PAK5: variants seen among roughly 807,000 people sequenced by gnomAD.
PAK5 encodes p21 (RAC1) activated kinase 5, also known as serine/threonine-protein kinase PAK 5.
Under a neutral mutation model 65.9 loss-of-function variants are expected in PAK5, and 16 were observed. That is an observed-to-expected ratio of 0.24 (90% CI 0.16 to 0.37). The LOEUF (loss-of-function observed/expected upper bound fraction) is 0.37, where lower values mean the gene tolerates loss of function less well. Ranked by LOEUF, PAK5 falls within the 10% of genes least tolerant of loss-of-function variation. The probability of loss-of-function intolerance (pLI) is 1.00; values close to 1 mark genes in which losing one functional copy is unlikely to be tolerated. For synonymous variants in PAK5, 371 were observed against 354.9 expected, an observed-to-expected ratio of 1.05 and a Z score of -0.51; for missense variants, 785 against 903.9, an observed-to-expected ratio of 0.87 and a Z score of 1.69.
At chr20:9,656,676 C>T (rs1454973911) in intron 2 of PAK5, among the ~76,000 whole-genome samples, 2 of 152,064 alleles carry the variant, frequency 1.3e-5, no homozygotes, top group Non-Finnish European at 2.9e-5. Context: ...TCTCTTTATG[C>T]CTCAGCTTTT....
At chr20:9,749,613 C>T (rs2048551095) in intron 1 of PAK5, among the ~76,000 whole-genome samples, 1 of 152,064 alleles carries the variant, frequency 6.6e-6, no homozygotes, top group Non-Finnish European at 1.5e-5. Context: ...ATTGCTGTTC[C>T]ATAGATTGAT....
intron 3 of PAK5, among the ~76,000 whole-genome samples, chr20:9,624,144 C>T (rs2046809750): frequency 6.6e-6 from 1 of 152,178 alleles, no homozygotes; most frequent in Admixed American, 6.5e-5. Flanking sequence ...AGGAAAATCA[C>T]AATTCTAGAG....
chr20:9,636,342 G>C (rs1411372936), intron 3 of PAK5, among the ~76,000 whole-genome samples: 1 of 152,106 alleles, frequency 6.6e-6, no homozygotes, highest in African/African-American at 2.4e-5. Context: ...CGATGGGAGA[G>C]AAAATAAAAC....
intron 3 of PAK5, among the ~76,000 whole-genome samples, chr20:9,636,777 A>G (rs6056773): frequency 0.61 from 92,838 of 151,980 alleles, 28,589 homozygotes; most frequent in Middle Eastern, 0.73. Context: ...CTGGCCAACT[A>G]GAAAAGACAA....
intron 2 of PAK5, among the ~76,000 whole-genome samples, chr20:9,672,289 A>AGTATGTATG (rs1453734690): frequency 6.7e-6 from 1 of 150,040 alleles, no homozygotes; most frequent in East Asian, 1.9e-4. Flanking sequence ...GATATATTTC[A>AGTATGTATG]GTATGTATGG....
chr20:9,680,760 C>T (rs202055041), intron 2 of PAK5, among the ~76,000 whole-genome samples: 19 of 152,140 alleles, frequency 1.2e-4, no homozygotes, highest in East Asian at 1.2e-3. Context: ...TGCTCCAGAC[C>T]GGAGCAGGGG....
At chr20:9,695,282 A>T (rs1007590387) in intron 2 of PAK5, among the ~76,000 whole-genome samples, 1 of 152,070 alleles carries the variant, frequency 6.6e-6, no homozygotes, top group Non-Finnish European at 1.5e-5. Flanking sequence ...TATGTCGAAC[A>T]AACGTACTGA....
chr20:9,540,979 G>A (rs369171107), intron 9 of PAK5, among the ~76,000 whole-genome samples: 8 of 152,050 alleles, frequency 5.3e-5, no homozygotes, highest in East Asian at 1.9e-4. Context: ...CTCGTGATCC[G>A]CCCACCTCGG....
intron 4 of PAK5, among the ~76,000 whole-genome samples, chr20:9,571,490 C>T (rs2045780205): frequency 6.6e-6 from 1 of 152,232 alleles, no homozygotes; most frequent in Non-Finnish European, 1.5e-5. Flanking sequence ...TAACCTAGTT[C>T]TTCTGCCGGG....
intron 1 of PAK5, among the ~76,000 whole-genome samples, chr20:9,743,183 C>T (rs1196580994): frequency 6.6e-6 from 1 of 151,760 alleles, no homozygotes; most frequent in Non-Finnish European, 1.5e-5. Flanking sequence ...GCCTGGGTAA[C>T]ACAGGGAGAC....
intron 1 of PAK5, among the ~76,000 whole-genome samples, chr20:9,820,347 T>G (rs2049405064): frequency 6.6e-6 from 1 of 152,208 alleles, no homozygotes; most frequent in African/African-American, 2.4e-5. Context: ...CCTCTCCTAT[T>G]TCATTTTAGA....
At chr20:9,547,237 C>A (rs1246772295) in intron 7 of PAK5, among the ~76,000 whole-genome samples, 1 of 152,104 alleles carries the variant, frequency 6.6e-6, no homozygotes, top group Non-Finnish European at 1.5e-5. Context: ...CTCAGAGCTT[C>A]CAGAAGGAAT....
intron 2 of PAK5, among the ~76,000 whole-genome samples, chr20:9,691,787 T>G (rs2047801411): frequency 6.6e-6 from 1 of 152,222 alleles, no homozygotes; most frequent in South Asian, 2.1e-4. Flanking sequence ...AGAACAATAC[T>G]TATTTCCTAT....
chr20:9,539,413 A>G lies in PAK5; in HGVS notation c.*49T>C. On this transcript the variant is annotated 3_prime_UTR_variant, in exon 10 of 10. Coordinates refer to ENST00000353224, the MANE Select transcript of PAK5 (RefSeq NM_177990.4). ...TCTGTGTTTCCTTTTGTTCTCCTGA[A>G]TTATTCTCATGTCCTCATCTAGCTT... is the stretch of plus-strand genomic sequence containing the variant. 6.3e-7 allele frequency: 1 copy of G among 1,574,870 alleles called. No homozygotes were observed. Among genetic ancestry groups the G allele is most frequent in the South Asian group, 1.1e-5 (1 of 89,730 alleles).
chr20:9,767,231 G>A (rs763199725), intron 1 of PAK5, among the ~76,000 whole-genome samples: 94 of 152,146 alleles, frequency 6.2e-4, no homozygotes, highest in Non-Finnish European at 1.0e-3. Context: ...ATATTGCATG[G>A]AGGAAAATTT....
intron 3 of PAK5, among the ~76,000 whole-genome samples, chr20:9,643,174 T>C (rs1225504207): frequency 6.6e-6 from 1 of 152,364 alleles, no homozygotes; most frequent in African/African-American, 2.4e-5. Context: ...TCTACTAATA[T>C]AATGAACAAG....
intron 6 of PAK5, 130 bp from the exon 7 acceptor site, chr20:9,557,864 G>A (rs2045532470): frequency 3.4e-6 from 2 of 588,194 alleles, no homozygotes; most frequent in African/African-American, 1.9e-5. Context: ...AAAACCTGCA[G>A]ACAAGGGAAG....
chr20:9,620,737 T>A (rs2046752903), intron 3 of PAK5, among the ~76,000 whole-genome samples: 1 of 151,616 alleles, frequency 6.6e-6, no homozygotes, highest in South Asian at 2.1e-4. Flanking sequence ...GTTGGGAGAG[T>A]CTGAGAGATG....
intron 4 of PAK5, among the ~76,000 whole-genome samples, chr20:9,574,616 C>A (rs961285831): frequency 6.6e-6 from 1 of 152,096 alleles, no homozygotes; most frequent in Non-Finnish European, 1.5e-5. Flanking sequence ...AATGGGAAAA[C>A]CCATTCATAA....
Sources: allele counts gnomAD v4.1 joint callset (sites outside exome capture counted in the v4.1 genomes callset), GRCh38; gene constraint gnomAD v4.1.1; transcripts MANE v1.5; gene names NCBI Gene and HGNC (gene_info 2026-07-23, HGNC 2026-07-21).